CLTC: variants seen among roughly 807,000 people sequenced by gnomAD.
CLTC encodes clathrin heavy chain.
CLTC carries 16 observed loss-of-function variants against 195.8 expected under a neutral mutation model. The observed-to-expected ratio is 0.08, with a 90% CI of 0.06 to 0.12. The LOEUF (loss-of-function observed/expected upper bound fraction) is 0.12. Ranked by LOEUF, CLTC falls within the 10% of genes least tolerant of loss-of-function variation. The pLI is 1.00. For synonymous variants in CLTC, 667 were observed against 689.4 expected, an observed-to-expected ratio of 0.97 and a Z score of 0.51; for missense variants, 796 against 2,027.0, an observed-to-expected ratio of 0.39 and a Z score of 11.66.
chr17:59,661,787 C>A, intron 8 of CLTC, 144 bp downstream of exon 8: 1 of 720,992 alleles, frequency 1.4e-6, no homozygotes, highest in Non-Finnish European at 2.3e-6. Flanking sequence ...AAGATGGATT[C>A]ACTTATTTCC....
chr17:59,693,721 A>G lies in CLTC; in HGVS notation c.4904-7A>G, dbSNP rs1238624851. 6.2e-7 allele frequency: 1 copy of G among 1,609,660 alleles called. No homozygotes were observed. Among genetic ancestry groups the G allele is most frequent in the Admixed American group, 1.7e-5 (1 of 59,354 alleles). Reference sequence around the variant, plus strand: ...CCCCTGCTCCTTTTTGTTTTCTTCTACTGTAGGTCAGCCCCAGTTGATGCT... The same window carrying G: ...CCCCTGCTCCTTTTTGTTTTCTTCTGCTGTAGGTCAGCCCCAGTTGATGCT... On this transcript the variant is annotated splice_region_variant and splice_polypyrimidine_tract_variant and intron_variant, in intron 31 of 31. Coordinates refer to ENST00000269122, the MANE Select transcript of CLTC (RefSeq NM_004859.4).
At position 59,626,399 on chromosome 17, in the gene CLTC, G is replaced by A. The variant is rs562790283; in HGVS notation, c.42+6226G>A. On this transcript the variant is annotated intron_variant, in intron 1 of 31. Coordinates refer to ENST00000269122, the MANE Select transcript of CLTC (RefSeq NM_004859.4). The stretch of plus-strand genomic sequence containing the variant: ...TATTATGTTCCACGAGTCTCATTGT[G>A]TGCCACTGGTACATTTTAAATTAGG... Among the ~76,000 whole-genome samples the A allele has an allele frequency of 2.6e-5, 4 of 152,210 alleles. 1 individual carries two copies. In the East Asian group the frequency reaches 5.8e-4, roughly 22 times the overall value.
At chr17:59,625,545 T>C (rs371019868) in intron 1 of CLTC, among the ~76,000 whole-genome samples, 2 of 152,296 alleles carry the variant, frequency 1.3e-5, no homozygotes, top group South Asian at 4.1e-4. Flanking sequence ...CTGGGGGTAG[T>C]GGCTCATGCC....
rs758795007 is a variant in CLTC, at chr17:59,644,265, AT to A, written c.43-5del. ...CCACTTGGTAACATGGTTTCTTATT[AT>A]TTTTTCTAGCTCCAGAACCTGGGTA... On this transcript the variant is annotated splice_polypyrimidine_tract_variant and intron_variant, in intron 1 of 31. Transcript: ENST00000269122. The A allele has an allele frequency of 1.2e-6, 2 of 1,610,020 alleles. No homozygotes were observed. Among genetic ancestry groups the A allele is most frequent in the Non-Finnish European group, 8.5e-7 (1 of 1,178,292 alleles).
chr17:59,680,906 C>T lies in CLTC; in HGVS notation c.2920-6C>T. ...TCAGTACTTATGTCCCATATATCCT[C>T]TGTAGGTTGTACAAACAGCTTTGTC... is the stretch of plus-strand genomic sequence containing the variant. On this transcript the variant is annotated splice_region_variant and splice_polypyrimidine_tract_variant and intron_variant, in intron 18 of 31. Transcript: ENST00000269122. 6.2e-7 allele frequency: 1 copy of T among 1,611,270 alleles called. No individual in the cohort carries two copies. The highest frequency in any genetic ancestry group is 8.5e-7 in the Non-Finnish European group (1 of 1,178,650).
intron 16 of CLTC, among the ~76,000 whole-genome samples, chr17:59,676,324 A>G (rs1464475230): frequency 6.6e-6 from 1 of 152,254 alleles, no homozygotes; most frequent in Non-Finnish European, 1.5e-5. Flanking sequence ...TTCTAAAGCT[A>G]TCAGATTTTA....
rs550384635 is a variant in CLTC at position 59,628,627 on chromosome 17, A to G, written c.42+8454A>G. Among the ~76,000 whole-genome samples, 28 of 152,296 alleles carry G rather than the reference A, an allele frequency of 1.8e-4. 1 individual carries two copies. The East Asian group carries it at 5.0e-3, about 27-fold the overall frequency. ...GGGGTCTCAGGGATGACAGTTTTTCATGACCCTAGGTTGAAACTGGGAGTC... is the reference window on the plus strand; with the variant it reads ...GGGGTCTCAGGGATGACAGTTTTTCGTGACCCTAGGTTGAAACTGGGAGTC... On this transcript the variant is annotated intron_variant, in intron 1 of 31. Transcript: ENST00000269122.
At chr17:59,691,807 G>A (rs569217104) in intron 31 of CLTC, among the ~76,000 whole-genome samples, 1 of 151,928 alleles carries the variant, frequency 6.6e-6, no homozygotes, top group African/African-American at 2.4e-5. Flanking sequence ...AGAGATGGGA[G>A]CAAGATGTTT....
chr17:59,651,981 T>C (rs1252852370), intron 5 of CLTC, among the ~76,000 whole-genome samples: 1 of 152,238 alleles, frequency 6.6e-6, no homozygotes, highest in Non-Finnish European at 1.5e-5. Flanking sequence ...TAAGTTTCTG[T>C]AATAATCTAA....
intron 30 of CLTC, 33 bp from the exon 31 acceptor site, chr17:59,690,603 G>GGGT (rs1264137318): frequency 4.1e-6 from 6 of 1,480,748 alleles, no homozygotes; most frequent in Non-Finnish European, 4.7e-6. Flanking sequence ...AATACTTTTG[G>GGGT]GGTGCTAATT....
chr17:59,622,245 A>G (rs1488578909), intron 1 of CLTC, among the ~76,000 whole-genome samples: 2 of 152,214 alleles, frequency 1.3e-5, no homozygotes, highest in South Asian at 2.1e-4. Context: ...TTGGATTGCT[A>G]TGTCATGCCT....
At chr17:59,628,675 T>C (rs2143448083) in intron 1 of CLTC, among the ~76,000 whole-genome samples, 1 of 152,238 alleles carries the variant, frequency 6.6e-6, no homozygotes, top group Middle Eastern at 3.4e-3. Flanking sequence ...AAAACGAGAA[T>C]TGGATTGGGA....
At chr17:59,635,581 CTTTAGATAG>C (rs1414127272) in intron 1 of CLTC, among the ~76,000 whole-genome samples, 1 of 152,022 alleles carries the variant, frequency 6.6e-6, no homozygotes, top group Non-Finnish European at 1.5e-5. Context: ...GGAGAGTTGT[CTTTAGATAG>C]TTTAAGAATT....
At chr17:59,662,505 A>G (rs2032633364) in intron 8 of CLTC, among the ~76,000 whole-genome samples, 1 of 152,190 alleles carries the variant, frequency 6.6e-6, no homozygotes, top group Non-Finnish European at 1.5e-5. Context: ...TTTCTCCTCA[A>G]AGTTGTAGTA....
chr17:59,674,870 G>A (rs1244387010), intron 16 of CLTC, 27 bp downstream of exon 16: 2 of 1,601,058 alleles, frequency 1.2e-6, no homozygotes, highest in Admixed American at 1.7e-5. Flanking sequence ...ACAGGGATAA[G>A]TTACTCTTTC....
intron 1 of CLTC, among the ~76,000 whole-genome samples, chr17:59,634,845 C>T (rs1371793156): frequency 2.0e-5 from 3 of 152,164 alleles, no homozygotes; most frequent in African/African-American, 4.8e-5. Context: ...ACAGCAACTG[C>T]AGTTTTTATT....
Position 59,666,383 on chromosome 17 carries a change from T to C in CLTC, c.1783-97T>C, listed in dbSNP as rs918596928. 2.0e-6 allele frequency: 3 copies of C among 1,503,998 alleles called. No homozygotes were observed. The highest frequency in any genetic ancestry group is 1.4e-5 in the African/African-American group (1 of 71,858). The allele number at this position is 1,503,998 out of a possible 1,614,324, so 93.2% of individuals were successfully genotyped here. On this transcript the variant is annotated intron_variant, in intron 11 of 31. Transcript: ENST00000269122. The surrounding 1 kb of genome is among the most constrained non-coding windows in gnomAD (Gnocchi z 4.9). ...GCTATTATAATATTCTTTTGTACTT[T>C]AACAGTTCACTATTAAACCTTAATC...
chr17:59,664,120 TA>T (rs766050494), intron 9 of CLTC, 126 bp downstream of exon 9: 59 of 819,304 alleles, frequency 7.2e-5, no homozygotes, highest in Non-Finnish European at 1.0e-4. Flanking sequence ...TTGAAATGTA[TA>T]AAAATTCTCT....
intron 6 of CLTC, chr17:59,658,604 C>A (rs1298510013): frequency 6.6e-6 from 1 of 152,166 alleles, no homozygotes; most frequent in Non-Finnish European, 1.5e-5. Flanking sequence ...GTTGAAAAAG[C>A]AAAATCAATT....
Sources: gnomAD v4.1 joint callset for allele counts (sites outside exome capture counted in the v4.1 genomes callset) on GRCh38, gnomAD v4.1.1 for gene constraint, Gnocchi (gnomAD v3.1) non-coding constraint, MANE v1.5 for transcripts, NCBI Gene and HGNC (gene_info 2026-07-23, HGNC 2026-07-21) for gene names.